The following UNC5D variants were observed in gnomAD, a reference collection of about 807,000 sequenced individuals.
UNC5D encodes the protein netrin receptor UNC5D.
In UNC5D, 39 loss-of-function variants were observed where a neutral mutation model predicts 105.4. That is an observed-to-expected ratio of 0.37 (90% CI 0.29 to 0.48). The LOEUF (loss-of-function observed/expected upper bound fraction) is 0.48. Ranked by LOEUF, UNC5D falls within the 20% of genes least tolerant of loss-of-function variation. The pLI, the probability that UNC5D is intolerant of heterozygous loss-of-function variation, is 0.98. For missense variants in UNC5D, 991 were observed against 1,202.4 expected (o/e 0.82, Z 2.60); for synonymous variants, 452 against 450.4 (o/e 1.00, Z -0.04).
At position 35,235,777 on chromosome 8, in the gene UNC5D, C is replaced by G. The variant is rs1482619880; in HGVS notation, c.-8C>G. ...AGAAGAGCCGCCCTCCGGAACGCGGCGAGGAGCATGGGGAGAGCGGCGGCC... is the reference window on the plus strand; with the variant it reads ...AGAAGAGCCGCCCTCCGGAACGCGGGGAGGAGCATGGGGAGAGCGGCGGCC... On this transcript the variant is annotated 5_prime_UTR_variant, in exon 1 of 17. Transcript: ENST00000404895. 1 of 1,229,756 alleles carries G rather than the reference C, an allele frequency of 8.1e-7. No homozygotes were observed. Among genetic ancestry groups the G allele is most frequent in the Non-Finnish European group, 1.0e-6 (1 of 985,762 alleles). The allele number at this position is 1,229,756 out of a possible 1,614,324, so 76.2% of individuals were successfully genotyped here.
chr8:35,436,994 C>A (rs894094247), intron 1 of UNC5D, among the ~76,000 whole-genome samples: 1 of 151,428 alleles, frequency 6.6e-6, no homozygotes, highest in Non-Finnish European at 1.5e-5. Context: ...ACAGGAACTT[C>A]ATTTTTAGTC....
At chr8:35,760,176 T>TG (rs56865161) in intron 14 of UNC5D, among the ~76,000 whole-genome samples, 29,361 of 151,676 alleles carry the variant, frequency 0.19, 8,031 homozygotes, top group African/African-American at 0.61. Context: ...CCTGAGCAGC[T>TG]GGATTACAGG....
intron 8 of UNC5D, among the ~76,000 whole-genome samples, chr8:35,707,828 T>C (rs1424160768): frequency 3.3e-5 from 5 of 152,188 alleles, no homozygotes; most frequent in South Asian, 2.1e-4. Context: ...TAGTTTTTGC[T>C]TGGGGTTCTC....
chr8:35,273,675 T>C (rs552064234), intron 1 of UNC5D, among the ~76,000 whole-genome samples: 3 of 152,314 alleles, frequency 2.0e-5, no homozygotes, highest in African/African-American at 7.2e-5. Flanking sequence ...CTCATTTTAA[T>C]TTCAGTGTTT....
chr8:35,529,135 C>T (rs1056249728), intron 1 of UNC5D, among the ~76,000 whole-genome samples: 1 of 142,568 alleles, frequency 7.0e-6, no homozygotes, highest in East Asian at 2.0e-4. Context: ...TGCCTACGTC[C>T]TGAATGGTAA....
intron 2 of UNC5D, 136 bp downstream of exon 2, chr8:35,549,646 T>A (rs1815959165): frequency 3.8e-6 from 3 of 799,992 alleles, no homozygotes; most frequent in Non-Finnish European, 5.8e-6. Flanking sequence ...TCCCAGCATA[T>A]AAGATGCAAT....
intron 11 of UNC5D, among the ~76,000 whole-genome samples, chr8:35,731,818 A>G (rs1176076959): frequency 6.6e-6 from 1 of 152,206 alleles, no homozygotes; most frequent in Admixed American, 6.5e-5. Flanking sequence ...ATACTGCCCG[A>G]GAGACAATTT....
At chr8:35,430,595 G>A (rs1806560876) in intron 1 of UNC5D, among the ~76,000 whole-genome samples, 1 of 152,046 alleles carries the variant, frequency 6.6e-6, no homozygotes, top group Admixed American at 6.6e-5. Flanking sequence ...ATTACCTTGG[G>A]AGATCTGATG....
chr8:35,416,414 A>G (rs1044467942), intron 1 of UNC5D, among the ~76,000 whole-genome samples: 1 of 152,202 alleles, frequency 6.6e-6, no homozygotes, highest in African/African-American at 2.4e-5. Context: ...TTAAAAAATG[A>G]CTAATTGAGA....
At chr8:35,655,458 T>A (rs901918201) in intron 4 of UNC5D, among the ~76,000 whole-genome samples, 3 of 152,220 alleles carry the variant, frequency 2.0e-5, no homozygotes, top group Admixed American at 6.5e-5. Context: ...CTAACTCCTT[T>A]TGTATTTCAG....
rs1429605242 is a variant in UNC5D at position 35,794,339 on chromosome 8, G to C, written c.*3776G>C. On this transcript the variant is annotated 3_prime_UTR_variant, in exon 17 of 17. Transcript: ENST00000404895. ...AAGGAGCTGAGAAATCTTCCTCTCC[G>C]GCCCACTGTCTGTGGCCCATTGTCA... The C allele has an allele frequency of 6.6e-6, 1 of 152,096 alleles. No individual in the cohort carries two copies. The highest frequency in any genetic ancestry group is 1.5e-5 in the Non-Finnish European group (1 of 68,018). 9.4% of individuals were successfully genotyped at this position (152,096 alleles called of 1,614,324 possible).
chr8:35,336,704 T>C (rs931130555), intron 1 of UNC5D, among the ~76,000 whole-genome samples: 2 of 152,192 alleles, frequency 1.3e-5, no homozygotes, highest in African/African-American at 4.8e-5. Flanking sequence ...ATTTTTTTCC[T>C]TTCAAATGTG....
At chr8:35,734,736 T>A (rs1470680032) in intron 11 of UNC5D, among the ~76,000 whole-genome samples, 1 of 151,444 alleles carries the variant, frequency 6.6e-6, no homozygotes, top group Non-Finnish European at 1.5e-5. Flanking sequence ...TACATTTTAT[T>A]GGGAATGTTT....
chr8:35,769,622 T>C (rs1198984120), intron 15 of UNC5D, among the ~76,000 whole-genome samples: 1 of 152,182 alleles, frequency 6.6e-6, no homozygotes, highest in Admixed American at 6.5e-5. Flanking sequence ...CCTGGGATTG[T>C]CTGACTCACA....
intron 4 of UNC5D, among the ~76,000 whole-genome samples, chr8:35,646,872 G>A (rs1047703651): frequency 6.6e-6 from 1 of 152,070 alleles, no homozygotes; most frequent in Non-Finnish European, 1.5e-5. Flanking sequence ...GGTGAAAATG[G>A]GATGTCGCTG....
At chr8:35,564,825 A>G (rs1267277223) in intron 2 of UNC5D, among the ~76,000 whole-genome samples, 3 of 152,106 alleles carry the variant, frequency 2.0e-5, no homozygotes, top group Non-Finnish European at 4.4e-5. Flanking sequence ...TTGGCTCCCA[A>G]TTATATGTGA....
chr8:35,642,555 T>C (rs1346015967), intron 4 of UNC5D, among the ~76,000 whole-genome samples: 1 of 152,082 alleles, frequency 6.6e-6, no homozygotes, highest in African/African-American at 2.4e-5. Context: ...ATTTTTTCTC[T>C]GATAAACCGA....
chr8:35,294,595 C>T (rs1185057408), intron 1 of UNC5D, among the ~76,000 whole-genome samples: 1 of 152,004 alleles, frequency 6.6e-6, no homozygotes, highest in Non-Finnish European at 1.5e-5. Context: ...CACATAAAAG[C>T]TGCATTTTCA....
chr8:35,261,642 G>A (rs569726208), intron 1 of UNC5D, among the ~76,000 whole-genome samples: 2 of 151,930 alleles, frequency 1.3e-5, no homozygotes, highest in South Asian at 2.1e-4. Flanking sequence ...AGGGGGGTGG[G>A]GGGCGTGTGT....
Sources: gnomAD v4.1 joint callset for allele counts (sites outside exome capture counted in the v4.1 genomes callset) on GRCh38, gnomAD v4.1.1 for gene constraint, MANE v1.5 for transcripts, NCBI Gene and HGNC (gene_info 2026-07-23, HGNC 2026-07-21) for gene names.